URB2: variants seen among roughly 807,000 people sequenced by gnomAD.
URB2 encodes URB2 ribosome biogenesis homolog.
Under a neutral mutation model 120.9 loss-of-function variants are expected in URB2, and 86 were observed. The ratio of observed to expected loss-of-function variants is 0.71; its 90% CI spans 0.60 to 0.85. The LOEUF is 0.85. Ranked by LOEUF, URB2 falls within the 40% of genes least tolerant of loss-of-function variation. The pLI is 0.00. For synonymous variants in URB2, 755 were observed against 758.4 expected, an observed-to-expected ratio of 1.00 and a Z score of 0.07; for missense variants, 1,765 against 1,836.5, an observed-to-expected ratio of 0.96 and a Z score of 0.71.
At chr1:229,631,282 A>G (rs1665661039) in intron 2 of URB2, among the ~76,000 whole-genome samples, 1 of 144,536 alleles carries the variant, frequency 6.9e-6, no homozygotes, top group South Asian at 2.3e-4. Context: ...GCTTAAGGGA[A>G]TGCTGTGATT....
At chr1:229,655,082 A>G (rs1666375959) in intron 9 of URB2, among the ~76,000 whole-genome samples, 1 of 152,122 alleles carries the variant, frequency 6.6e-6, no homozygotes, top group East Asian at 1.9e-4. Flanking sequence ...GCGGTGTGTC[A>G]CTCATGTGAC....
At chr1:229,658,838 T>G (rs1666459859) in intron 9 of URB2, among the ~76,000 whole-genome samples, 1 of 152,208 alleles carries the variant, frequency 6.6e-6, no homozygotes, top group Non-Finnish European at 1.5e-5. Context: ...AAGCCAGCCT[T>G]TTGCTTTCAT....
chr1:229,630,850 C>T (rs552088867), intron 2 of URB2, among the ~76,000 whole-genome samples: 11 of 151,980 alleles, frequency 7.2e-5, no homozygotes, highest in South Asian at 2.1e-4. Context: ...GGCATGGTGG[C>T]GGGCACCTGT....
At chr1:229,642,155 A>G (rs1666027891) in intron 4 of URB2, among the ~76,000 whole-genome samples, 2 of 152,236 alleles carry the variant, frequency 1.3e-5, no homozygotes. Context: ...GGGAGACGCC[A>G]TAAAGCGAAC....
chr1:229,638,790 G>A (rs925613657), intron 4 of URB2, among the ~76,000 whole-genome samples: 1 of 152,180 alleles, frequency 6.6e-6, no homozygotes, highest in African/African-American at 2.4e-5. Context: ...TGTGCAAACA[G>A]CAGCCTCCTC....
chr1:229,638,675 A>G (rs1026077631), intron 4 of URB2, among the ~76,000 whole-genome samples: 1 of 151,744 alleles, frequency 6.6e-6, no homozygotes, highest in African/African-American at 2.4e-5. Context: ...ACATGTGGAC[A>G]GTGAGAAGAC....
intron 4 of URB2, among the ~76,000 whole-genome samples, chr1:229,640,749 C>T (rs1665990361): frequency 6.6e-6 from 1 of 152,182 alleles, no homozygotes; most frequent in African/African-American, 2.4e-5. Context: ...TAACCTGTCT[C>T]TGGCTGGATT....
chr1:229,635,527 C>G lies in URB2; in HGVS notation c.914C>G (p.Ala305Gly). Residue 305 changes from alanine (A) to glycine (G), a missense_variant, in exon 4 of 10, where the codon GCC (alanine) becomes GGC (glycine). Transcript: ENST00000258243. ...LHTSVVANSV[A>G]LLYKLFLDSY... is the part of the protein sequence containing the mutation. ...ACCTCTGTTGTGGCCAACTCAGTGG[C>G]CTTGCTGTATAAGCTCTTTCTAGAT... 6.2e-7 allele frequency: 1 copy of G among 1,614,100 alleles called. No individual in the cohort carries two copies. Among genetic ancestry groups the G allele is most frequent in the South Asian group, 1.1e-5 (1 of 91,086 alleles).
rs762159600 is a variant in URB2 at position 229,637,024 on chromosome 1, T to C, written c.2411T>C (p.Met804Thr). 1.2e-6 allele frequency: 2 copies of C among 1,614,094 alleles called. No homozygotes were observed. The highest frequency in any genetic ancestry group is 1.7e-6 in the Non-Finnish European group (2 of 1,180,046). The change falls in exon 4 of 10, where the codon ATG (methionine) becomes ACG (threonine). Residue 804 changes from methionine to threonine, a missense_variant. By Grantham distance (81) the Met-to-Thr change is moderately conservative (BLOSUM62 -1). Coordinates refer to ENST00000258243, the MANE Select transcript of URB2 (RefSeq NM_014777.4). ...CTTCATAGCCCTCTCTTTCCAGAGA[T>C]GCAGTCCCTTCATTCTGCTTTCTTA... Reference protein sequence around the residue: ...AFLHSPLFPEMQSLHSAFLTC... With the variant: ...AFLHSPLFPETQSLHSAFLTC...
intron 8 of URB2, among the ~76,000 whole-genome samples, chr1:229,654,021 C>T (rs556270820): frequency 7.4e-6 from 1 of 134,768 alleles, no homozygotes; most frequent in African/African-American, 2.7e-5. Context: ...CTCTTAAAAA[C>T]ACCCGAGCAC....
chr1:229,636,315 A>G lies in URB2; in HGVS notation c.1702A>G (p.Thr568Ala). ...SSTPLPIVRR[T>A]QCMMERMMRE... ...CACGCCTCTGCCCATTGTCAGACGG[A>G]CACAGTGCATGATGGAGAGGATGAT... is the stretch of plus-strand genomic sequence containing the variant. The change falls in exon 4 of 10, where the codon ACA becomes GCA. Residue 568 changes from threonine (T) to alanine (A), a missense_variant. Physicochemically the swap from Thr to Ala is moderately conservative, Grantham distance 58. Coordinates refer to ENST00000258243, the MANE Select transcript of URB2 (RefSeq NM_014777.4). 6.2e-7 allele frequency: 1 copy of G among 1,614,230 alleles called. No homozygotes were observed. The highest frequency in any genetic ancestry group is 8.5e-7 in the Non-Finnish European group (1 of 1,180,034).
At chr1:229,626,416 C>G (rs189284832) in intron 1 of URB2, 60 bp downstream of exon 1, 1 of 152,632 alleles carries the variant, frequency 6.6e-6, no homozygotes, top group Non-Finnish European at 1.5e-5. Context: ...TGAGTCCCCC[C>G]ACCCGGGGCT....
Position 229,650,832 on chromosome 1 carries a change from C to CT in URB2, c.4150-392dup, listed in dbSNP as rs11345552. The CT allele has an allele frequency of 8.1e-3, 1,199 of 147,890 alleles. 13 individuals carry two copies. The highest frequency in any genetic ancestry group is 0.027 in the African/African-American group (1,103 of 40,384). The allele number at this position is 147,890 out of a possible 1,614,324, so 9.2% of individuals were successfully genotyped here. A position where few individuals can be genotyped will look rare whatever the true frequency, so the allele number is the denominator to read the frequency against. On this transcript the variant is annotated intron_variant, in intron 7 of 9. Transcript: ENST00000258243. ...TTAAGTGCATTTGCTTCAACATAAT[C>CT]TTTTTTTTTTTGTACCAATGATACT...
chr1:229,644,600 CA>C lies in URB2; in HGVS notation c.3795+908del, dbSNP rs1414554718. Among the ~76,000 whole-genome samples the C allele has an allele frequency of 2.6e-5, 4 of 151,932 alleles. No individual in the cohort carries two copies. The East Asian group carries it at 7.7e-4, about 29-fold the overall frequency. On this transcript the variant is annotated intron_variant, in intron 5 of 9. Transcript: ENST00000258243. ...GAAGATGGACAGGGAGAAGTGGTGC[CA>C]GGGGGGCAGGCCCTGGTGGGGAGAT...
At chr1:229,639,057 G>A (rs967117282) in intron 4 of URB2, among the ~76,000 whole-genome samples, 9 of 152,176 alleles carry the variant, frequency 5.9e-5, no homozygotes, top group African/African-American at 1.7e-4. Flanking sequence ...GCTCACGCCA[G>A]TAATCCCAGC....
At chr1:229,654,533 C>G in intron 9 of URB2, 145 bp downstream of exon 9, 1 of 1,224,858 alleles carries the variant, frequency 8.2e-7, no homozygotes, top group Non-Finnish European at 1.1e-6. Context: ...TGCTCTCTCA[C>G]TCAGGCTGGA....
At chr1:229,639,388 G>A (rs1240980040) in intron 4 of URB2, among the ~76,000 whole-genome samples, 1 of 146,330 alleles carries the variant, frequency 6.8e-6, no homozygotes, top group Non-Finnish European at 1.5e-5. Context: ...AGGATGGAGT[G>A]CAGTGGTGCA....
intron 4 of URB2, among the ~76,000 whole-genome samples, chr1:229,641,455 T>G (rs1666010444): frequency 6.6e-6 from 1 of 152,152 alleles, no homozygotes; most frequent in African/African-American, 2.4e-5. Context: ...CTCATGGGCC[T>G]GGGGTGTTGC....
At position 229,636,513 on chromosome 1, in the gene URB2, C is replaced by T; in HGVS notation, c.1900C>T (p.Leu634Phe). The stretch of plus-strand genomic sequence containing the variant: ...CCAGTATCACTCTATGTCTGGGCCC[C>T]TTATAGGTGTTGCTCTGGAGATCTC... ...CSQYHSMSGPLIGVALEISNL... is the reference protein window; with the variant it reads ...CSQYHSMSGPFIGVALEISNL... The change falls in exon 4 of 10, where the codon CTT becomes TTT. Residue 634 changes from leucine to phenylalanine, a missense_variant. Coordinates refer to ENST00000258243, the MANE Select transcript of URB2 (RefSeq NM_014777.4). 1 of 1,614,210 alleles carries T rather than the reference C, an allele frequency of 6.2e-7. No homozygotes were observed. Among genetic ancestry groups the T allele is most frequent in the Non-Finnish European group, 8.5e-7 (1 of 1,180,044 alleles).
Sources: gnomAD v4.1 joint callset for allele counts (sites outside exome capture counted in the v4.1 genomes callset) on GRCh38, gnomAD v4.1.1 for gene constraint, MANE v1.5 for transcripts, NCBI Gene and HGNC (gene_info 2026-07-23, HGNC 2026-07-21) for gene names.